Variants in RXRG observed in about 807,000 individuals in gnomAD.
RXRG encodes retinoic acid receptor RXR-gamma.
In RXRG, 19 loss-of-function variants were observed where a neutral mutation model predicts 49.2. The ratio of observed to expected loss-of-function variants is 0.39; its 90% confidence interval spans 0.27 to 0.57. The LOEUF is 0.57. Among genes scored for constraint, RXRG ranks in the 20% least tolerant of loss-of-function variants. RXRG has a pLI of 0.64. For synonymous variants in RXRG, 224 were observed against 216.6 expected (o/e 1.03, Z -0.30); for missense variants, 452 against 592.5 (o/e 0.76, Z 2.46).
intron 1 of RXRG, among the ~76,000 whole-genome samples, chr1:165,440,588 A>C (rs1658953013): frequency 6.6e-6 from 1 of 152,230 alleles, no homozygotes; most frequent in Non-Finnish European, 1.5e-5. Flanking sequence ...AGGGATACTC[A>C]ACCTGTATTT....
rs758859729 is a variant in RXRG, at chr1:165,410,727, C to T, written c.888G>A (p.Glu296=). 1.2e-6 allele frequency: 2 copies of T among 1,613,958 alleles called. No individual in the cohort carries two copies. Among genetic ancestry groups the T allele is most frequent in the African/African-American group, 2.7e-5 (2 of 74,924 alleles). Reference sequence around the variant, plus strand: ...CTGCCCGAAGCAAAATGACCTGGTCCTCCAAGGTGAGGTCAGAGAAGTGGG... The same window carrying T: ...CTGCCCGAAGCAAAATGACCTGGTCTTCCAAGGTGAGGTCAGAGAAGTGGG... ...RIPHFSDLTL[E]DQVILLRAGW... The change falls in exon 6 of 10, where the codon GAG becomes GAA. Residue 296 remains glutamate, a synonymous_variant. Transcript: ENST00000359842.
intron 1 of RXRG, among the ~76,000 whole-genome samples, chr1:165,444,211 T>C (rs1362611674): frequency 6.6e-6 from 1 of 152,100 alleles, no homozygotes; most frequent in Non-Finnish European, 1.5e-5. Context: ...GTGGAAGTGA[T>C]TGCAGCAACT....
chr1:165,435,745 A>G (rs1199224867), intron 1 of RXRG, among the ~76,000 whole-genome samples: 2 of 152,232 alleles, frequency 1.3e-5, no homozygotes, highest in East Asian at 3.8e-4. Context: ...GTGCTAATAA[A>G]ACAAGGATTA....
intron 3 of RXRG, among the ~76,000 whole-genome samples, chr1:165,418,599 C>T (rs1450559190): frequency 2.0e-5 from 3 of 152,146 alleles, no homozygotes; most frequent in Non-Finnish European, 4.4e-5. Flanking sequence ...GACCATACTA[C>T]AGGCCGGCTT....
At chr1:165,415,968 A>G (rs559226206) in intron 4 of RXRG, among the ~76,000 whole-genome samples, 3 of 152,226 alleles carry the variant, frequency 2.0e-5, no homozygotes, top group African/African-American at 7.2e-5. Context: ...CATCTGGCGG[A>G]TGGTTACAGT....
At chr1:165,435,724 G>A (rs1252690673) in intron 1 of RXRG, among the ~76,000 whole-genome samples, 1 of 152,180 alleles carries the variant, frequency 6.6e-6, no homozygotes, top group Non-Finnish European at 1.5e-5. Flanking sequence ...CAGGGGACTG[G>A]GCCCCCAAAG....
intron 4 of RXRG, among the ~76,000 whole-genome samples, chr1:165,411,868 G>A (rs1269996716): frequency 6.6e-6 from 1 of 152,180 alleles, no homozygotes; most frequent in Non-Finnish European, 1.5e-5. Flanking sequence ...CCAATTCTAT[G>A]CTCTTCATCA....
chr1:165,402,763 C>T (rs1657622871), intron 9 of RXRG, among the ~76,000 whole-genome samples: 1 of 152,102 alleles, frequency 6.6e-6, no homozygotes, highest in South Asian at 2.1e-4. Context: ...CACCTTCACA[C>T]ACTCTCATGC....
chr1:165,423,714 G>A (rs889258533), intron 2 of RXRG, among the ~76,000 whole-genome samples: 1 of 151,774 alleles, frequency 6.6e-6, no homozygotes, highest in Non-Finnish European at 1.5e-5. Context: ...GGGGGCGGTG[G>A]GGAGGGAGGT....
intron 2 of RXRG, among the ~76,000 whole-genome samples, chr1:165,426,096 G>A (rs1329426219): frequency 1.3e-5 from 2 of 152,228 alleles, no homozygotes; most frequent in African/African-American, 2.4e-5. Flanking sequence ...GACATAAAGG[G>A]TTTGGACAGA....
chr1:165,422,732 A>T (rs886989674), intron 2 of RXRG, among the ~76,000 whole-genome samples: 1 of 152,190 alleles, frequency 6.6e-6, no homozygotes, highest in African/African-American at 2.4e-5. Flanking sequence ...GCAGAGAAAT[A>T]ATTACCTGAA....
At chr1:165,408,886 T>C (rs1479152007) in intron 7 of RXRG, among the ~76,000 whole-genome samples, 1 of 152,210 alleles carries the variant, frequency 6.6e-6, no homozygotes, top group East Asian at 1.9e-4. Flanking sequence ...AACGGGGCCC[T>C]GGCATTGGAC....
At chr1:165,441,734 G>T (rs927329183) in intron 1 of RXRG, among the ~76,000 whole-genome samples, 1 of 152,166 alleles carries the variant, frequency 6.6e-6, no homozygotes, top group Non-Finnish European at 1.5e-5. Context: ...GGATGGGGGG[G>T]ATTACAGGCT....
chr1:165,436,825 C>T, intron 1 of RXRG: 1 of 746,318 alleles, frequency 1.3e-6, no homozygotes, highest in Non-Finnish European at 1.7e-6. Flanking sequence ...CTACTGTAAC[C>T]AGATGGGGAC....
intron 1 of RXRG, among the ~76,000 whole-genome samples, chr1:165,439,497 G>A (rs756087167): frequency 1.1e-4 from 17 of 152,362 alleles, no homozygotes; most frequent in Non-Finnish European, 1.8e-4. Context: ...CTGGGGTTGC[G>A]TGAAGCATGC....
Position 165,444,896 on chromosome 1 carries a change from T to C in RXRG, c.-3A>G. ...AAGTGAGAATAATTTCCATACATGT[T>C]TACTCGTCAGTTCATGTTCCTCTCC... On this transcript the variant is annotated 5_prime_UTR_variant, in exon 1 of 10. Transcript: ENST00000359842. 6.2e-7 allele frequency: 1 copy of C among 1,613,944 alleles called. No homozygotes were observed. Among genetic ancestry groups the C allele is most frequent in the Non-Finnish European group, 8.5e-7 (1 of 1,179,844 alleles).
At position 165,445,048 on chromosome 1, in the gene RXRG, T is replaced by A. The variant is rs1659119049; in HGVS notation, c.-155A>T. On this transcript the variant is annotated 5_prime_UTR_variant, in exon 1 of 10. It introduces an in-frame stop codon into an upstream open reading frame of the 5' UTR. Transcript: ENST00000359842. ...GGGAGCACAGGCTGGGCCAGCCCTC[T>A]GGGATTAGTCAGGAATCTGCCTCTA... is the stretch of plus-strand genomic sequence containing the variant. 4.5e-6 allele frequency: 3 copies of A among 671,726 alleles called. No homozygotes were observed. Among genetic ancestry groups the A allele is most frequent in the Non-Finnish European group, 8.1e-6 (3 of 371,708 alleles). 41.6% of individuals were successfully genotyped at this position (671,726 alleles called of 1,614,324 possible).
rs1346322863 is a variant in RXRG at position 165,411,127 on chromosome 1, A to G, written c.623-18T>C. On this transcript the variant is annotated intron_variant, in intron 4 of 9. Transcript: ENST00000359842. ...TTGCACAGCTGACATGCAGCAGGAC[A>G]TGCAGAGGTTACCATAATGCCCAGG... 3.1e-6 allele frequency: 5 copies of G among 1,611,784 alleles called. No individual in the cohort carries two copies. Among genetic ancestry groups the G allele is most frequent in the Non-Finnish European group, 4.2e-6 (5 of 1,179,066 alleles).
chr1:165,426,928 GA>G (rs557562419), intron 2 of RXRG, among the ~76,000 whole-genome samples: 51 of 151,834 alleles, frequency 3.4e-4, no homozygotes, highest in African/African-American at 1.1e-3. Context: ...TCAGAGACAG[GA>G]AAAAAAATGA....
Sources: gnomAD v4.1 joint callset for allele counts (sites outside exome capture counted in the v4.1 genomes callset) on GRCh38, gnomAD v4.1.1 for gene constraint, MANE v1.5 for transcripts, NCBI Gene and HGNC (gene_info 2026-07-23, HGNC 2026-07-21) for gene names.